RAB37: variants seen among roughly 807,000 people sequenced by gnomAD.
RAB37 encodes the protein ras-related protein Rab-37.
A neutral mutation model predicts 33.1 loss-of-function variants in RAB37; 29 were observed. The ratio of observed to expected loss-of-function variants is 0.88; its 90% confidence interval spans 0.65 to 1.20. The LOEUF (loss-of-function observed/expected upper bound fraction) is 1.20, where lower values mean the gene tolerates loss of function less well. Among genes scored for constraint, RAB37 ranks in the 50% most tolerant of loss-of-function variants. The pLI is 0.00. For synonymous variants in RAB37, 128 were observed against 119.5 expected, an observed-to-expected ratio of 1.07 and a Z score of -0.47; for missense variants, 299 against 301.1, an observed-to-expected ratio of 0.99 and a Z score of 0.05.
chr17:74,698,597 G>C (rs1227985037), intron 1 of RAB37: 10 of 1,506,066 alleles, frequency 6.6e-6, no homozygotes, highest in African/African-American at 1.4e-5. Flanking sequence ...CAGGTCTGTA[G>C]TTTGCAGCCT....
chr17:74,733,482 A>G, upstream of RAB37, among the ~76,000 whole-genome samples: 1 of 147,596 alleles, frequency 6.8e-6, no homozygotes, highest in African/African-American at 2.5e-5. Context: ...GTGTGGTGTG[A>G]GGTGTGTGGT....
intron 1 of RAB37, chr17:74,696,242 A>G: frequency 6.2e-7 from 1 of 1,600,006 alleles, no homozygotes; most frequent in Non-Finnish European, 8.5e-7. Context: ...ACAATTCAGA[A>G]TTAGAAAGCC....
chr17:74,740,239 A>G (rs531146524), intron 1 of RAB37, among the ~76,000 whole-genome samples: 10 of 152,056 alleles, frequency 6.6e-5, no homozygotes, highest in African/African-American at 2.4e-4. Flanking sequence ...AATATTCATT[A>G]TAGAGTATGC....
In RAB37 at chr17:74,702,962, A is replaced by T. The variant is rs2033190718; in HGVS notation, c.73-26294A>T. On this transcript the variant is annotated intron_variant, in intron 1 of 7. Coordinates refer to the RAB37 transcript ENST00000340415. The stretch of plus-strand genomic sequence containing the variant: ...TCCCAGACAAAGCTCAGGCTGGAAA[A>T]TGGGACTTCAAAGAGTTCTCCATTG... The T allele has an allele frequency of 4.0e-6, 5 of 1,257,902 alleles. No individual in the cohort carries two copies. The East Asian group carries it at 1.2e-4, about 29-fold the overall frequency. 77.9% of individuals were successfully genotyped at this position (1,257,902 alleles called of 1,614,324 possible).
chr17:74,682,368 T>TCA (rs1289753393), intron 1 of RAB37, among the ~76,000 whole-genome samples: 1 of 152,068 alleles, frequency 6.6e-6, no homozygotes, highest in Non-Finnish European at 1.5e-5. Context: ...TTGGCTCCAT[T>TCA]CACAGGCAGG....
At chr17:74,731,375 G>A (rs1055165367) in intron 2 of RAB37, among the ~76,000 whole-genome samples, 1 of 152,206 alleles carries the variant, frequency 6.6e-6, no homozygotes, top group Admixed American at 6.5e-5. Context: ...CAGAGCCCCT[G>A]GTCTCCCACT....
chr17:74,707,975 C>A (rs2033648589), intron 1 of RAB37, among the ~76,000 whole-genome samples: 1 of 151,496 alleles, frequency 6.6e-6, no homozygotes, highest in African/African-American at 2.4e-5. Context: ...TGGTGAAACC[C>A]CATCTCTACT....
intron 1 of RAB37, among the ~76,000 whole-genome samples, chr17:74,699,956 C>T (rs1423103998): frequency 1.3e-5 from 2 of 151,972 alleles, no homozygotes; most frequent in African/African-American, 2.4e-5. Context: ...GCCTGACCAA[C>T]ATGGTGAAAC....
upstream of RAB37, chr17:74,736,891 C>T (rs944689925): frequency 1.0e-5 from 15 of 1,491,390 alleles, no homozygotes; most frequent in African/African-American, 2.0e-4. Flanking sequence ...GGGGCTCGGG[C>T]GCCGCCTGCT....
intron 1 of RAB37, among the ~76,000 whole-genome samples, chr17:74,690,711 T>C (rs1277770568): frequency 6.6e-6 from 1 of 152,206 alleles, no homozygotes; most frequent in Non-Finnish European, 1.5e-5. Context: ...CCTACAGTCA[T>C]AGCACTGCAC....
chr17:74,720,952 T>C (rs922918136), intron 1 of RAB37, among the ~76,000 whole-genome samples: 1 of 152,168 alleles, frequency 6.6e-6, no homozygotes, highest in Non-Finnish European at 1.5e-5. Context: ...TGGCTGGAGA[T>C]AACCGGGCTC....
At chr17:74,741,340 C>A (rs1325003894) in intron 2 of RAB37, among the ~76,000 whole-genome samples, 1 of 152,108 alleles carries the variant, frequency 6.6e-6, no homozygotes, top group Non-Finnish European at 1.5e-5. Context: ...GTATTCCCAG[C>A]ACTTTGGGAG....
intron 1 of RAB37, among the ~76,000 whole-genome samples, chr17:74,727,840 A>G (rs941529483): frequency 1.3e-5 from 2 of 149,858 alleles, no homozygotes; most frequent in African/African-American, 2.5e-5. Flanking sequence ...GTGCATGTGT[A>G]TGTGTTTTTA....
At chr17:74,694,526 C>G (rs1467087732) in intron 1 of RAB37, 1 of 152,228 alleles carries the variant, frequency 6.6e-6, no homozygotes, top group Non-Finnish European at 1.5e-5. Context: ...CTTCCATCAT[C>G]ACTTTGTCTC....
rs562593682 is a variant in RAB37, at chr17:74,729,160, G to T, written c.73-96G>T. On this transcript the variant is annotated intron_variant, in intron 1 of 7. Coordinates refer to the RAB37 transcript ENST00000340415. The surrounding 1 kb of genome is among the most constrained non-coding windows in gnomAD (Gnocchi z 4.2). ...GTGTGTGTGCATGTTGTGCACATGC[G>T]TGCTTAGAAAGAATCCACTCCCACA... The T allele has an allele frequency of 2.5e-6, 2 of 805,760 alleles. No individual in the cohort carries two copies. The highest frequency in any genetic ancestry group is 2.7e-5 in the South Asian group (2 of 74,080). The allele number at this position is 805,760 out of a possible 1,614,324, so 49.9% of individuals were successfully genotyped here.
At chr17:74,718,756 T>C (rs1939875289) in intron 1 of RAB37, among the ~76,000 whole-genome samples, 1 of 152,210 alleles carries the variant, frequency 6.6e-6, no homozygotes, top group South Asian at 2.1e-4. Context: ...GAATGCATCT[T>C]AAGTCACTCC....
intron 1 of RAB37, among the ~76,000 whole-genome samples, chr17:74,700,106 C>G (rs1275496433): frequency 6.6e-6 from 1 of 151,784 alleles, no homozygotes; most frequent in Non-Finnish European, 1.5e-5. Context: ...CGCGCCACTG[C>G]ACTCCAGCCT....
intron 1 of RAB37, among the ~76,000 whole-genome samples, chr17:74,715,705 C>T (rs2034156621): frequency 6.6e-6 from 1 of 152,134 alleles, no homozygotes; most frequent in African/African-American, 2.4e-5. Flanking sequence ...ACCTGGCCTC[C>T]CCAAGAAGGA....
At position 74,671,748 on chromosome 17, in the gene RAB37, T is replaced by C; in HGVS notation, c.72+90T>C. The C allele has an allele frequency of 8.8e-7, 1 of 1,141,106 alleles. No homozygotes were observed. The highest frequency in any genetic ancestry group is 1.3e-6 in the Non-Finnish European group (1 of 761,544). 70.7% of individuals were successfully genotyped at this position (1,141,106 alleles called of 1,614,324 possible). A position where few individuals can be genotyped will look rare whatever the true frequency, so the allele number is the denominator to read the frequency against. On this transcript the variant is annotated intron_variant, in intron 1 of 7. Coordinates refer to the RAB37 transcript ENST00000340415. The surrounding 1 kb of genome is among the most constrained non-coding windows in gnomAD (Gnocchi z 5.0). The stretch of plus-strand genomic sequence containing the variant: ...ACTCCCCTGACTTTGCTTTGGGACT[T>C]AATGAGAAACTAGCTTGTATCTGTG...
Sources: allele counts gnomAD v4.1 joint callset (sites outside exome capture counted in the v4.1 genomes callset), GRCh38; gene constraint gnomAD v4.1.1; non-coding constraint Gnocchi (gnomAD v3.1); transcripts MANE v1.5; gene names NCBI Gene and HGNC (gene_info 2026-07-23, HGNC 2026-07-21).